Variants in HEATR5A observed in about 807,000 individuals in gnomAD.
HEATR5A encodes HEAT repeat containing 5A, also known as HEAT repeat-containing protein 5A.
HEATR5A carries 178 observed loss-of-function variants against 218.8 expected under a neutral mutation model. That is an observed-to-expected ratio of 0.81 (90% CI 0.72 to 0.92). The LOEUF (loss-of-function observed/expected upper bound fraction) is 0.92, where lower values mean the gene tolerates loss of function less well. HEATR5A is among the 40% of genes least tolerant of loss of function. HEATR5A has a pLI of 0.00. For synonymous variants in HEATR5A, 864 were observed against 871.6 expected (o/e 0.99, Z 0.15); for missense variants, 2,420 against 2,418.9 (o/e 1.00, Z -0.01).
chr14:31,389,678 C>A (rs1001835290), intron 6 of HEATR5A, among the ~76,000 whole-genome samples: 2 of 152,092 alleles, frequency 1.3e-5, no homozygotes, highest in Admixed American at 1.3e-4. Context: ...AACCATTTCT[C>A]CCTTGAAAAT....
intron 1 of HEATR5A, among the ~76,000 whole-genome samples, chr14:31,413,402 T>C (rs369021657): frequency 2.6e-4 from 39 of 151,164 alleles, no homozygotes; most frequent in South Asian, 1.2e-3. Context: ...TTTTTTTTTT[T>C]CCAAAATACT....
At chr14:31,405,668 G>A (rs1364471998) in intron 1 of HEATR5A, among the ~76,000 whole-genome samples, 1 of 152,192 alleles carries the variant, frequency 6.6e-6, no homozygotes, top group African/African-American at 2.4e-5. Flanking sequence ...TAGTATCTAT[G>A]ATTGTTTGGG....
intron 13 of HEATR5A, among the ~76,000 whole-genome samples, chr14:31,368,633 A>G (rs908775974): frequency 6.6e-6 from 1 of 152,128 alleles, no homozygotes; most frequent in African/African-American, 2.4e-5. Context: ...TGCTCAAGCA[A>G]TCATTCCCGC....
intron 26 of HEATR5A, among the ~76,000 whole-genome samples, chr14:31,317,676 A>G (rs1899956939): frequency 6.6e-6 from 1 of 152,214 alleles, no homozygotes; most frequent in South Asian, 2.1e-4. Context: ...GCTCTTAAGT[A>G]TATGAAAAAG....
Position 31,302,501 on chromosome 14 carries a change from G to C in HEATR5A, c.5258C>G (p.Pro1753Arg). ...CCCGATTGTGAGGTACAATATAGTA[G>C]GGAGAATTGAGATGCTTCCTGTAAG... ...CSPEGSISILPTILYLTIGVL... is the reference protein window; with the variant it reads ...CSPEGSISILRTILYLTIGVL... The change falls in exon 33 of 36, where the codon CCT (proline) becomes CGT (arginine). Residue 1753 changes from proline to arginine, a missense_variant. Pro to Arg is a moderately radical substitution (Grantham distance 103, BLOSUM62 -2). Coordinates refer to ENST00000543095, the MANE Select transcript of HEATR5A (RefSeq NM_015473.4). 5.1e-6 allele frequency: 8 copies of C among 1,577,538 alleles called. No individual in the cohort carries two copies. Among genetic ancestry groups the C allele is most frequent in the Non-Finnish European group, 6.0e-6 (7 of 1,159,820 alleles).
At chr14:31,298,185 C>T (rs1253764871) in intron 33 of HEATR5A, among the ~76,000 whole-genome samples, 4 of 152,120 alleles carry the variant, frequency 2.6e-5, no homozygotes, top group Non-Finnish European at 5.9e-5. Context: ...TAAGCTAGAA[C>T]CACATAGCTA....
At chr14:31,302,246 T>G (rs746100427) in intron 33 of HEATR5A, 49 bp downstream of exon 33, 1 of 1,347,236 alleles carries the variant, frequency 7.4e-7, no homozygotes, top group South Asian at 1.3e-5. Flanking sequence ...AAAACTCTTC[T>G]TCTCACTTTT....
rs111437772 is a variant in HEATR5A at position 31,367,034 on chromosome 14, C to T, written c.1962-2736G>A. On this transcript the variant is annotated intron_variant, in intron 13 of 35. Coordinates refer to ENST00000543095, the MANE Select transcript of HEATR5A (RefSeq NM_015473.4). The stretch of plus-strand genomic sequence containing the variant: ...AATGGCAGTTATCTAATAAAGTTAG[C>T]ACATAAGGAAGAGAGAAACAATATT... Among the ~76,000 whole-genome samples the T allele has an allele frequency of 7.8e-3, 1,189 of 152,094 alleles. 14 individuals are homozygous for T. The highest frequency in any genetic ancestry group is 0.027 in the African/African-American group (1,125 of 41,498).
At position 31,302,240 on chromosome 14, in the gene HEATR5A, CTCT is replaced by C. The variant is rs1233724472; in HGVS notation, c.5464+52_5464+54del. On this transcript the variant is annotated intron_variant, in intron 33 of 35. Transcript: ENST00000543095. The stretch of plus-strand genomic sequence containing the variant: ...AGTAAAATATCTTATCCTCAAAAAA[CTCT>C]TCTTCTCACTTTTTAAGACAAACTG... 6.3e-6 allele frequency: 8 copies of C among 1,271,844 alleles called. No homozygotes were observed. In the Middle Eastern group the frequency reaches 6.0e-4, roughly 95 times the overall value. The allele number at this position is 1,271,844 out of a possible 1,614,324, so 78.8% of individuals were successfully genotyped here. A position where few individuals can be genotyped will look rare whatever the true frequency, so the allele number is the denominator to read the frequency against.
chr14:31,420,461 C>A lies in HEATR5A; in HGVS notation c.-75+11G>T. ...GAGGTGTCCCCGCTCCCTGGATCCC[C>A]GACTGCCTGCCTTTGGGGGTCCTCC... On this transcript the variant is annotated intron_variant, in intron 1 of 35. Transcript: ENST00000543095. The A allele has an allele frequency of 6.5e-6, 1 of 153,240 alleles. No homozygotes were observed. Among genetic ancestry groups the A allele is most frequent in the Non-Finnish European group, 1.4e-5 (1 of 69,026 alleles). The allele number at this position is 153,240 out of a possible 1,614,324, so 9.5% of individuals were successfully genotyped here.
intron 13 of HEATR5A, among the ~76,000 whole-genome samples, chr14:31,369,858 C>T (rs563147079): frequency 6.6e-6 from 1 of 151,256 alleles, no homozygotes; most frequent in Non-Finnish European, 1.5e-5. Flanking sequence ...AACGGGGACC[C>T]GGGAGACGGA....
chr14:31,345,545 G>A (rs12886557), intron 19 of HEATR5A, among the ~76,000 whole-genome samples: 128,466 of 152,196 alleles, frequency 0.84, 55,124 homozygotes, highest in Non-Finnish European at 0.93. Context: ...ATTGTTTATT[G>A]TTTAATCTAT....
intron 24 of HEATR5A, among the ~76,000 whole-genome samples, chr14:31,323,000 T>C (rs1488486010): frequency 1.3e-5 from 2 of 152,116 alleles, no homozygotes; most frequent in Admixed American, 1.3e-4. Flanking sequence ...TGAGAAAGGC[T>C]CAAATGTTTT....
chr14:31,404,864 T>C (rs2031000476), intron 1 of HEATR5A, among the ~76,000 whole-genome samples: 1 of 151,386 alleles, frequency 6.6e-6, no homozygotes, highest in Non-Finnish European at 1.5e-5. Context: ...CAGTAAGCCA[T>C]GACCACACCA....
intron 1 of HEATR5A, among the ~76,000 whole-genome samples, chr14:31,411,156 A>G (rs115323035): frequency 0.013 from 2,016 of 152,246 alleles, 54 homozygotes; most frequent in African/African-American, 0.046. Flanking sequence ...AGAAAAAAAT[A>G]TTATTTATCA....
chr14:31,340,343 T>C, intron 21 of HEATR5A: 1 of 542,590 alleles, frequency 1.8e-6, no homozygotes, highest in Non-Finnish European at 2.9e-6. Context: ...ATGGTTCGCT[T>C]AAAAAAAGAG....
At chr14:31,390,939 C>T (rs1004378727) in intron 6 of HEATR5A, among the ~76,000 whole-genome samples, 7 of 152,076 alleles carry the variant, frequency 4.6e-5, no homozygotes, top group Admixed American at 1.3e-4. Context: ...GAGATAACAG[C>T]TCCATGCGTG....
In HEATR5A at chr14:31,347,870, G is replaced by A. The variant is rs772866666; in HGVS notation, c.2746C>T (p.His916Tyr). ...SARDVVTRTG[H>Y]SLALGSLHRY... ...TGTAGGGACCCCAAGGCCAATGAGT[G>A]TCCTGTTCTGGTAACCACATCCCTT... The change falls in exon 19 of 36, where the codon CAC becomes TAC. Residue 916 changes from histidine to tyrosine, a missense_variant. Transcript: ENST00000543095. The A allele has an allele frequency of 1.2e-5, 18 of 1,560,934 alleles. 1 individual carries two copies. The South Asian group carries it at 1.8e-4, about 16-fold the overall frequency.
intron 20 of HEATR5A, 60 bp downstream of exon 20, chr14:31,345,027 G>A: frequency 7.1e-7 from 1 of 1,400,546 alleles, no homozygotes; most frequent in Non-Finnish European, 9.8e-7. Flanking sequence ...ACTAGGAACT[G>A]AATTCACTTT....
Sources: gnomAD v4.1 joint callset for allele counts (sites outside exome capture counted in the v4.1 genomes callset) on GRCh38, gnomAD v4.1.1 for gene constraint, MANE v1.5 for transcripts, NCBI Gene and HGNC (gene_info 2026-07-23, HGNC 2026-07-21) for gene names.